The following FBXO36 variants were observed in gnomAD, a reference collection of about 807,000 sequenced individuals.
The protein encoded by FBXO36 is F-box only protein 36.
FBXO36 carries 18 observed loss-of-function variants against 17.0 expected under a neutral mutation model. That is an observed-to-expected ratio of 1.06 (90% confidence interval 0.73 to 1.57). The LOEUF (loss-of-function observed/expected upper bound fraction) is 1.57. Among genes scored for constraint, FBXO36 ranks in the 40% most tolerant of loss-of-function variants. The probability of loss-of-function intolerance (pLI) is 0.00; values close to 1 mark genes in which losing one functional copy is unlikely to be tolerated. For missense variants in FBXO36, 229 were observed against 221.9 expected, an observed-to-expected ratio of 1.03 and a Z score of -0.20; for synonymous variants, 83 against 85.3, an observed-to-expected ratio of 0.97 and a Z score of 0.15.
Position 229,976,652 on chromosome 2 carries a change from C to G in FBXO36, c.205+303C>G, listed in dbSNP as rs1418729638. ...TGGCCAAGATGGTGAAACCCTGTCTCTACTAAAAATACAAAAATTAGCCGG... is the reference window on the plus strand; with the variant it reads ...TGGCCAAGATGGTGAAACCCTGTCTGTACTAAAAATACAAAAATTAGCCGG... On this transcript the variant is annotated intron_variant, in intron 2 of 3. Transcript: ENST00000283946. 2.4e-5 allele frequency: 5 copies of G among 212,390 alleles called. No individual in the cohort carries two copies. In the Admixed American group the frequency reaches 2.8e-4, roughly 12 times the overall value. The allele number at this position is 212,390 out of a possible 1,614,324, so 13.2% of individuals were successfully genotyped here.
Position 230,011,074 on chromosome 2 carries a change from C to T in FBXO36, c.*190C>T. The stretch of plus-strand genomic sequence containing the variant: ...CCCAGTGCCTTGCTAGAGTCACCGT[C>T]ATTCTGAGGTCAAATCATGGCCCGA... On this transcript the variant is annotated 3_prime_UTR_variant, in exon 4 of 4. Coordinates refer to ENST00000283946, the MANE Select transcript of FBXO36 (RefSeq NM_174899.5). 1.7e-6 allele frequency: 1 copy of T among 584,386 alleles called. No individual in the cohort carries two copies. The highest frequency in any genetic ancestry group is 3.1e-5 in the East Asian group (1 of 32,660). The allele number at this position is 584,386 out of a possible 1,614,324, so 36.2% of individuals were successfully genotyped here.
At chr2:229,969,384 TAA>T (rs756723393) in intron 1 of FBXO36, among the ~76,000 whole-genome samples, 16 of 118,536 alleles carry the variant, frequency 1.3e-4, no homozygotes, top group Non-Finnish European at 1.4e-4. Context: ...ACTCACAAAT[TAA>T]AAAAAAAAAA....
At chr2:229,999,685 A>G (rs1055355643) in intron 3 of FBXO36, among the ~76,000 whole-genome samples, 1 of 151,644 alleles carries the variant, frequency 6.6e-6, no homozygotes, top group Non-Finnish European at 1.5e-5. Flanking sequence ...CCAAATATAT[A>G]TATGTATATA....
intron 3 of FBXO36, among the ~76,000 whole-genome samples, chr2:230,008,118 TCTC>T (rs755630186): frequency 3.3e-5 from 5 of 152,100 alleles, no homozygotes; most frequent in Non-Finnish European, 7.4e-5. Context: ...CGGGAGGAGA[TCTC>T]CTAGCATCAC....
At chr2:229,930,744 G>T (rs967160541) in intron 1 of FBXO36, among the ~76,000 whole-genome samples, 2 of 151,930 alleles carry the variant, frequency 1.3e-5, no homozygotes, top group Non-Finnish European at 2.9e-5. Flanking sequence ...GTGAGATGCC[G>T]TCTCAAAACA....
rs143418710 is a variant in FBXO36, at chr2:230,002,680, G to A, written c.378+5757G>A. On this transcript the variant is annotated intron_variant, in intron 3 of 3. Transcript: ENST00000283946. The stretch of plus-strand genomic sequence containing the variant: ...ATTACAGGCATGCGCCACCATGCCC[G>A]GCATTAATTTTTTTCTCAAATCAGT... Among the ~76,000 whole-genome samples the A allele has an allele frequency of 4.6e-5, 7 of 152,112 alleles. No homozygotes were observed. The East Asian group carries it at 7.7e-4, about 17-fold the overall frequency.
intron 2 of FBXO36, among the ~76,000 whole-genome samples, chr2:229,982,784 A>G (rs2077247526): frequency 6.6e-6 from 1 of 150,944 alleles, no homozygotes; most frequent in African/African-American, 2.4e-5. Context: ...GTCTCAAAAA[A>G]AAAAAAAAAA....
chr2:230,006,996 T>G (rs1198541834), intron 3 of FBXO36, among the ~76,000 whole-genome samples: 2 of 152,338 alleles, frequency 1.3e-5, no homozygotes, highest in South Asian at 2.1e-4. Context: ...TTTGCTCTGA[T>G]TCTATGTTGA....
In FBXO36 at chr2:229,989,178, G is replaced by A. The variant is rs184747118; in HGVS notation, c.206-7573G>A. Reference sequence around the variant, plus strand: ...TTTTCAGTAGGATTTCTTGACTTTCGTCAACTTTTGTATGTTGACATTCAG... The same window carrying A: ...TTTTCAGTAGGATTTCTTGACTTTCATCAACTTTTGTATGTTGACATTCAG... On this transcript the variant is annotated intron_variant, in intron 2 of 3. Coordinates refer to ENST00000283946, the MANE Select transcript of FBXO36 (RefSeq NM_174899.5). Among the ~76,000 whole-genome samples the A allele has an allele frequency of 3.1e-4, 47 of 152,176 alleles. 1 individual carries two copies. Among genetic ancestry groups the A allele is most frequent in the African/African-American group, 8.7e-4 (36 of 41,536 alleles).
chr2:229,975,318 G>C (rs2077201546), intron 1 of FBXO36, among the ~76,000 whole-genome samples: 1 of 152,036 alleles, frequency 6.6e-6, no homozygotes, highest in Admixed American at 6.6e-5. Flanking sequence ...CACTCATCTT[G>C]TCTGTACCTG....
At chr2:229,942,267 C>A (rs1028783329) in intron 1 of FBXO36, among the ~76,000 whole-genome samples, 1 of 152,152 alleles carries the variant, frequency 6.6e-6, no homozygotes, top group African/African-American at 2.4e-5. Flanking sequence ...TGTGCTGGAG[C>A]TCCCAAGAGC....
intron 1 of FBXO36, among the ~76,000 whole-genome samples, chr2:229,949,050 G>C (rs1404959487): frequency 6.6e-6 from 1 of 152,118 alleles, no homozygotes; most frequent in African/African-American, 2.4e-5. Flanking sequence ...GGCCAGGCTG[G>C]TCTTAAACTC....
At chr2:229,995,687 G>T (rs1431378258) in intron 2 of FBXO36, among the ~76,000 whole-genome samples, 2 of 149,258 alleles carry the variant, frequency 1.3e-5, no homozygotes, top group Non-Finnish European at 1.5e-5. Flanking sequence ...CCGCCTCCCG[G>T]GTTCAAGCAA....
chr2:229,980,550 C>T (rs1209144225), intron 2 of FBXO36, among the ~76,000 whole-genome samples: 1 of 152,036 alleles, frequency 6.6e-6, no homozygotes, highest in African/African-American at 2.4e-5. Flanking sequence ...TTGCAGACCT[C>T]ACCAGTCTCT....
rs557026684 is a variant in FBXO36 at position 229,945,953 on chromosome 2, C to T, written c.96+23344C>T. Among the ~76,000 whole-genome samples the T allele has an allele frequency of 3.1e-4, 46 of 150,146 alleles. No individual in the cohort carries two copies. In the South Asian group the frequency reaches 7.7e-3, roughly 25 times the overall value. ...AGGAGAGTCCCTTGAACCCGGGAGG[C>T]GGAGGTTGCAATGAGCTGAGATTAC... On this transcript the variant is annotated intron_variant, in intron 1 of 3. Coordinates refer to ENST00000283946, the MANE Select transcript of FBXO36 (RefSeq NM_174899.5).
intron 1 of FBXO36, among the ~76,000 whole-genome samples, chr2:229,964,265 A>T (rs910729238): frequency 1.3e-5 from 2 of 152,178 alleles, no homozygotes; most frequent in African/African-American, 2.4e-5. Context: ...GCATGAATTT[A>T]AAAAAATGTA....
At chr2:229,930,755 A>G (rs1428333615) in intron 1 of FBXO36, among the ~76,000 whole-genome samples, 4 of 152,026 alleles carry the variant, frequency 2.6e-5, no homozygotes, top group African/African-American at 9.7e-5. Flanking sequence ...TCTCAAAACA[A>G]AAACAAAAGA....
intron 1 of FBXO36, among the ~76,000 whole-genome samples, chr2:229,958,785 C>T (rs2077105665): frequency 6.6e-6 from 1 of 152,272 alleles, no homozygotes; most frequent in East Asian, 1.9e-4. Flanking sequence ...ACTACATTCT[C>T]GCCCTGTATG....
intron 1 of FBXO36, among the ~76,000 whole-genome samples, chr2:229,971,371 A>G (rs541729866): frequency 1.3e-5 from 2 of 152,026 alleles, no homozygotes; most frequent in South Asian, 4.2e-4. Context: ...AAAAAAAAAA[A>G]AAAGAACAAA....
Sources: gnomAD v4.1 joint callset for allele counts (sites outside exome capture counted in the v4.1 genomes callset) on GRCh38, gnomAD v4.1.1 for gene constraint, MANE v1.5 for transcripts, NCBI Gene and HGNC (gene_info 2026-07-23, HGNC 2026-07-21) for gene names.